PFKFB1: variants seen among roughly 807,000 people sequenced by gnomAD.
PFKFB1 encodes 6-phosphofructo-2-kinase/fructose-2,6-biphosphatase 1, also known as 6-phosphofructo-2-kinase/fructose-2,6-bisphosphatase 1.
A neutral mutation model predicts 46.4 loss-of-function variants in PFKFB1; 34 were observed. The observed-to-expected ratio is 0.73, with a 90% confidence interval of 0.56 to 0.98. The LOEUF is 0.98. Ranked by LOEUF, PFKFB1 falls within the 50% of genes least tolerant of loss-of-function variation. PFKFB1 has a pLI of 0.00. For missense variants in PFKFB1, 393 were observed against 376.3 expected (o/e 1.04, Z -0.37); for synonymous variants, 119 against 133.8 (o/e 0.89, Z 0.76).
intron 9 of PFKFB1, among the ~76,000 whole-genome samples, chrX:54,946,968 C>T (rs767756562): frequency 8.9e-6 from 1 of 111,863 alleles, no homozygotes; most frequent in East Asian, 2.8e-4. Context: ...TTCTTCCTCA[C>T]TCACCCCTCA....
chrX:54,988,967 C>T (rs773202979), intron 1 of PFKFB1, among the ~76,000 whole-genome samples: 12 of 111,976 alleles, frequency 1.1e-4, no homozygotes, highest in Non-Finnish European at 1.5e-4. Context: ...CCCAAAGAAA[C>T]GAGCCAGATA....
At chrX:54,972,906 C>A (rs770001427) in intron 1 of PFKFB1, among the ~76,000 whole-genome samples, 10 of 110,454 alleles carry the variant, frequency 9.1e-5, no homozygotes, top group East Asian at 5.7e-4. Context: ...TAGTTTCAGA[C>A]GGAATGGTAC....
intron 11 of PFKFB1, among the ~76,000 whole-genome samples, chrX:54,935,298 G>A (rs1349384991): frequency 6.3e-5 from 7 of 111,921 alleles, no homozygotes; most frequent in African/African-American, 2.3e-4. Flanking sequence ...CTCACTCACA[G>A]GACAAATGAG....
intron 1 of PFKFB1, among the ~76,000 whole-genome samples, chrX:54,973,783 G>T (rs888453793): frequency 9.0e-6 from 1 of 111,233 alleles, no homozygotes; most frequent in African/African-American, 3.3e-5. Context: ...TTTGGAATAG[G>T]TGTGGTGTGG....
intron 1 of PFKFB1, among the ~76,000 whole-genome samples, chrX:54,987,678 G>A (rs1935142036): frequency 9.0e-6 from 1 of 110,689 alleles, no homozygotes. Context: ...TTTAACCTTT[G>A]AAAATCAATT....
intron 1 of PFKFB1, among the ~76,000 whole-genome samples, chrX:54,971,748 G>A (rs1282651620): frequency 8.9e-6 from 1 of 112,154 alleles, no homozygotes; most frequent in Non-Finnish European, 1.9e-5. Context: ...TAGGCTTGTA[G>A]TATAGTTTGA....
At chrX:54,952,187 G>A (rs1934006445) in intron 7 of PFKFB1, 75 bp from the exon 8 acceptor site, 5 of 772,623 alleles carry the variant, frequency 6.5e-6, no homozygotes, top group Non-Finnish European at 7.8e-6. Flanking sequence ...GAGAAACCCC[G>A]AACCACACAC....
chrX:54,986,145 G>A (rs1381378881), intron 1 of PFKFB1, among the ~76,000 whole-genome samples: 1 of 111,748 alleles, frequency 8.9e-6, no homozygotes, highest in Non-Finnish European at 1.9e-5. Flanking sequence ...GCCTACAGAA[G>A]ATAGGTTTTA....
At chrX:54,979,672 T>C (rs919222077) in intron 1 of PFKFB1, among the ~76,000 whole-genome samples, 12 of 111,728 alleles carry the variant, frequency 1.1e-4, no homozygotes, top group Non-Finnish European at 1.7e-4. Flanking sequence ...ATGAAATCAA[T>C]TCAGTGGGTG....
chrX:54,962,584 G>A (rs1345117563), intron 2 of PFKFB1, among the ~76,000 whole-genome samples: 1 of 111,741 alleles, frequency 8.9e-6, no homozygotes, highest in African/African-American at 3.3e-5. Context: ...AAGAAGAAAT[G>A]GGAAAAAGAA....
chrX:54,985,603 C>A (rs1935093747), intron 1 of PFKFB1, among the ~76,000 whole-genome samples: 1 of 111,044 alleles, frequency 9.0e-6, no homozygotes, highest in East Asian at 2.8e-4. Flanking sequence ...CCCACAGGAA[C>A]AAATGAAAAT....
intron 1 of PFKFB1, among the ~76,000 whole-genome samples, chrX:54,965,347 G>T (rs1463835513): frequency 8.9e-6 from 1 of 111,866 alleles, no homozygotes; most frequent in African/African-American, 3.2e-5. Context: ...GAAGAACAAA[G>T]AGAAGAATTA....
At chrX:54,959,201 C>T (rs868103128) in intron 4 of PFKFB1, among the ~76,000 whole-genome samples, 1 of 110,422 alleles carries the variant, frequency 9.1e-6, no homozygotes. Flanking sequence ...GGTGAGGTAA[C>T]TGAGGCCTAG....
intron 1 of PFKFB1, among the ~76,000 whole-genome samples, chrX:54,978,464 G>A (rs1352584147): frequency 9.0e-6 from 1 of 111,512 alleles, no homozygotes; most frequent in Non-Finnish European, 1.9e-5. Context: ...ATTAGTGAGT[G>A]AAACTTTAAG....
intron 1 of PFKFB1, among the ~76,000 whole-genome samples, chrX:54,968,350 A>G (rs1345414478): frequency 2.0e-5 from 2 of 102,174 alleles, no homozygotes; most frequent in Admixed American, 1.1e-4. Context: ...AGGGATAGCA[A>G]TGGGAGATAT....
In PFKFB1 at chrX:54,970,342, T is replaced by G. The variant is rs375857691; in HGVS notation, c.98-6960A>C. On this transcript the variant is annotated intron_variant, in intron 1 of 13. Transcript: ENST00000375006. ...AATTCATTTTTTTATTTTTTTAGTTTTATTATTATTATACTTTAAGTTTTA... is the reference window on the plus strand; with the variant it reads ...AATTCATTTTTTTATTTTTTTAGTTGTATTATTATTATACTTTAAGTTTTA... 2.7e-5 allele frequency among the ~76,000 whole-genome samples: 3 copies of G among 110,899 alleles called. No individual in the cohort carries two copies. The East Asian group carries it at 8.5e-4, about 31-fold the overall frequency.
At chrX:54,993,863 C>T (rs1372885560) in intron 1 of PFKFB1, 48 bp downstream of exon 1, 2 of 1,166,630 alleles carry the variant, frequency 1.7e-6, no homozygotes, top group African/African-American at 3.6e-5. Flanking sequence ...CTTCTACACC[C>T]ACTCTACCAC....
intron 10 of PFKFB1, among the ~76,000 whole-genome samples, chrX:54,941,593 G>C (rs1170800997): frequency 1.7e-4 from 19 of 112,123 alleles, no homozygotes; most frequent in African/African-American, 6.2e-4. Context: ...GATATGAATA[G>C]ACACTTCTCA....
chrX:54,940,512 T>A (rs1449103193), intron 10 of PFKFB1, among the ~76,000 whole-genome samples: 1 of 111,648 alleles, frequency 9.0e-6, no homozygotes, highest in East Asian at 2.8e-4. Context: ...CAGCGCAAAA[T>A]CTCCTTAAGC....
Sources: gnomAD v4.1 joint callset for allele counts (sites outside exome capture counted in the v4.1 genomes callset) on GRCh38, gnomAD v4.1.1 for gene constraint, MANE v1.5 for transcripts, NCBI Gene and HGNC (gene_info 2026-07-23, HGNC 2026-07-21) for gene names.